Variants in LNX1 observed in about 807,000 individuals in gnomAD.
The protein encoded by LNX1 is E3 ubiquitin-protein ligase LNX.
In LNX1, 54 loss-of-function variants were observed where a neutral mutation model predicts 68.4. The ratio of observed to expected loss-of-function variants is 0.79; its 90% CI spans 0.63 to 0.99. The LOEUF is 0.99. LNX1 is among the 50% of genes least tolerant of loss of function. The pLI is 0.00. For synonymous variants in LNX1, 336 were observed against 350.0 expected, an observed-to-expected ratio of 0.96 and a Z score of 0.45; for missense variants, 906 against 926.4, an observed-to-expected ratio of 0.98 and a Z score of 0.29.
At chr4:53,491,168 A>G (rs956046114) in intron 6 of LNX1, among the ~76,000 whole-genome samples, 4 of 152,190 alleles carry the variant, frequency 2.6e-5, no homozygotes, top group Non-Finnish European at 5.9e-5. Context: ...GTTGGCAAAC[A>G]TTATCTCCAG....
chr4:53,641,672 C>T (rs1264141459), intron 1 of LNX1, among the ~76,000 whole-genome samples: 1 of 152,212 alleles, frequency 6.6e-6, no homozygotes, highest in Non-Finnish European at 1.5e-5. Flanking sequence ...TTTGTAATCT[C>T]TCCCTCTCAC....
intron 2 of LNX1, among the ~76,000 whole-genome samples, chr4:53,510,453 C>A (rs1273560754): frequency 6.6e-6 from 1 of 152,206 alleles, no homozygotes; most frequent in African/African-American, 2.4e-5. Flanking sequence ...AAACAGGCCT[C>A]CAACTTACAC....
chr4:53,598,170 C>T (rs930822712), intron 2 of LNX1, among the ~76,000 whole-genome samples: 39 of 152,076 alleles, frequency 2.6e-4, no homozygotes, highest in African/African-American at 9.2e-4. Context: ...CTTCCCTAAG[C>T]AGATATTGAT....
intron 2 of LNX1, among the ~76,000 whole-genome samples, chr4:53,564,965 A>G (rs1730555488): frequency 6.6e-6 from 1 of 152,188 alleles, no homozygotes; most frequent in Admixed American, 6.5e-5. Flanking sequence ...GCGCACCACG[A>G]GATTATATCC....
chr4:53,471,283 G>C lies in LNX1; in HGVS notation c.1892+5470C>G, dbSNP rs565707777. Among the ~76,000 whole-genome samples the C allele has an allele frequency of 1.6e-3, 245 of 152,042 alleles. 1 individual carries two copies. The highest frequency in any genetic ancestry group is 5.6e-3 in the African/African-American group (233 of 41,456). On this transcript the variant is annotated intron_variant, in intron 9 of 10. Transcript: ENST00000263925. ...TAAATGGTGCTGGGAAAACTGGCTA[G>C]CCATACGTAGAGAGCTGAAACTGGA...
chr4:53,460,910 T>TAA lies in LNX1; in HGVS notation c.2182_2183dup (p.Leu728PhefsTer21), dbSNP rs749276451. On this transcript the variant is annotated frameshift_variant, in exon 11 of 11. Transcript: ENST00000263925. LOFTEE classifies it high-confidence loss of function. Reference sequence around the variant, plus strand: ...TTCCTCTGACCCATCATTGATTCTATAAAAAAGTGCCAGGCCAAGAAACAA... The same window carrying TAA: ...TTCCTCTGACCCATCATTGATTCTATAAAAAAAAGTGCCAGGCCAAGAAACAA... 1.2e-6 allele frequency: 2 copies of TAA among 1,608,360 alleles called. No individual in the cohort carries two copies. The highest frequency in any genetic ancestry group is 3.4e-5 in the Admixed American group (2 of 58,992).
At chr4:53,622,421 A>G (rs1347550330), upstream of LNX1, among the ~76,000 whole-genome samples, 2 of 152,254 alleles carry the variant, frequency 1.3e-5, no homozygotes, top group East Asian at 3.9e-4. Flanking sequence ...GTTGCCACAC[A>G]CTGGGCCACT....
intron 9 of LNX1, among the ~76,000 whole-genome samples, chr4:53,473,210 G>GACAACAGAAGAAATGAGCCAATGGA (rs1723351687): frequency 6.6e-6 from 1 of 152,164 alleles, no homozygotes; most frequent in African/African-American, 2.4e-5. Flanking sequence ...AGGAAGATGA[G>GACAACAGAAGAAATGAGCCAATGGA]ACAACAGAAG....
At chr4:53,536,969 A>C (rs1728417826) in intron 2 of LNX1, among the ~76,000 whole-genome samples, 1 of 152,232 alleles carries the variant, frequency 6.6e-6, no homozygotes, top group Non-Finnish European at 1.5e-5. Flanking sequence ...CTTGGTGTTA[A>C]CAGTGATGAT....
chr4:53,649,839 G>A (rs1326463919), intron 1 of LNX1, among the ~76,000 whole-genome samples: 1 of 152,208 alleles, frequency 6.6e-6, no homozygotes, highest in Non-Finnish European at 1.5e-5. Flanking sequence ...TGGACTGGGA[G>A]TTCCTTGAGG....
At chr4:53,575,301 G>C (rs1366879008) in intron 1 of LNX1, among the ~76,000 whole-genome samples, 1 of 152,152 alleles carries the variant, frequency 6.6e-6, no homozygotes, top group African/African-American at 2.4e-5. Flanking sequence ...CTTTTAAACA[G>C]TAGAATACTA....
At chr4:53,573,191 T>C (rs777850983) in intron 2 of LNX1, among the ~76,000 whole-genome samples, 11 of 152,140 alleles carry the variant, frequency 7.2e-5, no homozygotes, top group Admixed American at 1.3e-4. Context: ...AGAGCAGTCA[T>C]ATCCATGGAG....
chr4:53,495,831 A>AC (rs1328239236), intron 6 of LNX1, among the ~76,000 whole-genome samples, 192 bp downstream of exon 6: 1 of 152,230 alleles, frequency 6.6e-6, no homozygotes, highest in African/African-American at 2.4e-5. Flanking sequence ...GGCATGGGCC[A>AC]CCACGCCCAG....
rs569770957 is a variant in LNX1, at chr4:53,507,073, T to C, written c.775+244A>G. 2.6e-5 allele frequency among the ~76,000 whole-genome samples: 4 copies of C among 152,294 alleles called. No homozygotes were observed. The East Asian group carries it at 7.7e-4, about 29-fold the overall frequency. On this transcript the variant is annotated intron_variant, in intron 4 of 10. Transcript: ENST00000263925. ...TTATAATTATTCTTCCTCATATGCA[T>C]AATGGTACTAGCGCCTGAAGGTGAG...
rs780018488 is a variant in LNX1 at position 53,476,928 on chromosome 4, C to T, written c.1717G>A (p.Glu573Lys). ...GVELTEVSRS[E>K]AVALLKRTSS... ...GTTCTTTTCAATAATGCCACTGCCT[C>T]ACTCCGGCTGACCTCTGTCAGTTCG... Residue 573 changes from glutamate (E) to lysine (K), a missense_variant, in exon 9 of 11, where the codon GAG becomes AAG. By Grantham distance (56) the Glu-to-Lys change is moderately conservative. Coordinates refer to ENST00000263925, the MANE Select transcript of LNX1 (RefSeq NM_001126328.3). 11 of 1,614,226 alleles carry T rather than the reference C, an allele frequency of 6.8e-6. No homozygotes were observed. In the Middle Eastern group the frequency reaches 4.9e-4, roughly 73 times the overall value.
At chr4:53,610,715 G>GAAAAAAAAAAAAAA (rs10553873) in intron 2 of LNX1, among the ~76,000 whole-genome samples, 5 of 112,526 alleles carry the variant, frequency 4.4e-5, no homozygotes, top group Non-Finnish European at 7.0e-5. Flanking sequence ...TCTCAAAGAG[G>GAAAAAAAAAAAAAA]AAAAAAAAAA....
chr4:53,645,198 A>C (rs1356205583), intron 1 of LNX1, among the ~76,000 whole-genome samples: 1 of 152,158 alleles, frequency 6.6e-6, no homozygotes, highest in Non-Finnish European at 1.5e-5. Flanking sequence ...TACACAAATT[A>C]AGAATCCAGA....
At chr4:53,610,498 G>C (rs1733434949) in intron 2 of LNX1, among the ~76,000 whole-genome samples, 1 of 152,116 alleles carries the variant, frequency 6.6e-6, no homozygotes, top group Non-Finnish European at 1.5e-5. Context: ...ACGAGGTCAG[G>C]AGATCGAGAC....
At chr4:53,492,174 A>C (rs774607768) in intron 6 of LNX1, among the ~76,000 whole-genome samples, 2 of 152,280 alleles carry the variant, frequency 1.3e-5, no homozygotes, top group East Asian at 3.9e-4. Flanking sequence ...GTATATGAGC[A>C]GAAATGGACA....
Sources: allele counts gnomAD v4.1 joint callset (sites outside exome capture counted in the v4.1 genomes callset), GRCh38; gene constraint gnomAD v4.1.1; transcripts MANE v1.5; gene names NCBI Gene and HGNC (gene_info 2026-07-23, HGNC 2026-07-21).